GPN1: variants seen among roughly 807,000 people sequenced by gnomAD.
The protein encoded by GPN1 is GPN-loop GTPase 1, also known as ATP(GTP)-binding protein.
Under a neutral mutation model 55.9 loss-of-function variants are expected in GPN1, and 44 were observed. The observed-to-expected ratio is 0.79, with a 90% CI of 0.62 to 1.01. GPN1 has a LOEUF of 1.01. GPN1 is among the 50% of genes least tolerant of loss of function. The pLI is 0.00. For synonymous variants in GPN1, 179 were observed against 162.5 expected (o/e 1.10, Z -0.77); for missense variants, 466 against 462.8 (o/e 1.01, Z -0.06).
At chr2:27,638,126 T>C in intron 7 of GPN1, 84 bp from the exon 8 acceptor site, 1 of 764,940 alleles carries the variant, frequency 1.3e-6, no homozygotes, top group Admixed American at 1.9e-5. Context: ...ATTTCTGTTC[T>C]CTTACTTAGT....
At chr2:27,631,721 A>G (rs1446436016) in intron 3 of GPN1, 113 bp from the exon 4 acceptor site, 3 of 746,910 alleles carry the variant, frequency 4.0e-6, no homozygotes, top group African/African-American at 1.7e-5. Context: ...TTAGGTTGCC[A>G]GTATCCATTA....
chr2:27,630,419 G>A (rs1029063516), intron 2 of GPN1, among the ~76,000 whole-genome samples: 2 of 118,680 alleles, frequency 1.7e-5, no homozygotes, highest in Admixed American at 1.1e-4. Flanking sequence ...TTTAGACAGA[G>A]TCTCTGTCAC....
At chr2:27,644,010 C>T (rs947693365) in intron 12 of GPN1, among the ~76,000 whole-genome samples, 1 of 152,158 alleles carries the variant, frequency 6.6e-6, no homozygotes, top group Non-Finnish European at 1.5e-5. Context: ...GAAACCCCAT[C>T]TCTCCTAAAA....
In GPN1 at chr2:27,643,870, G is replaced by C. The variant is rs1199079629; in HGVS notation, c.931+1351G>C. Among the ~76,000 whole-genome samples, 1 of 152,072 alleles carries C rather than the reference G, an allele frequency of 6.6e-6. No individual in the cohort carries two copies. Among genetic ancestry groups the C allele is most frequent in the Non-Finnish European group, 1.5e-5 (1 of 68,006 alleles). On this transcript the variant is annotated intron_variant, in intron 12 of 13. Coordinates refer to ENST00000610189, the MANE Select transcript of GPN1 (RefSeq NM_007266.4). The surrounding 1 kb of genome is among the most constrained non-coding windows in gnomAD (Gnocchi z 4.0). ...ATTTTTATAAAGTGGTGTATGCTAC[G>C]TTTTTCATAAAGAATTACTATTTTT...
At position 27,639,037 on chromosome 2, in the gene GPN1, T is replaced by A. The variant is rs1345217308; in HGVS notation, c.717+6T>A. On this transcript the variant is annotated splice_donor_region_variant and intron_variant, in intron 9 of 13. Coordinates refer to ENST00000610189, the MANE Select transcript of GPN1 (RefSeq NM_007266.4). ...AGTTTTACAGCTCACTCAGGGTAAATTTTCTCTCCTGCTCACACTGACAGC... is the reference window on the plus strand; with the variant it reads ...AGTTTTACAGCTCACTCAGGGTAAAATTTCTCTCCTGCTCACACTGACAGC... 6.2e-7 allele frequency: 1 copy of A among 1,602,008 alleles called. No homozygotes were observed. Among genetic ancestry groups the A allele is most frequent in the African/African-American group, 1.3e-5 (1 of 74,630 alleles).
Position 27,638,270 on chromosome 2 carries a change from C to T in GPN1, c.570+15C>T. 1 of 1,460,342 alleles carries T rather than the reference C, an allele frequency of 6.8e-7. No individual in the cohort carries two copies. The highest frequency in any genetic ancestry group is 9.6e-7 in the Non-Finnish European group (1 of 1,040,580). 90.5% of individuals were successfully genotyped at this position (1,460,342 alleles called of 1,614,324 possible). A position where few individuals can be genotyped will look rare whatever the true frequency, so the allele number is the denominator to read the frequency against. ...TCATGAATAAAGTAAGTGTATTCTT[C>T]CTGTTGTGATTCACCATTTTTCATC... On this transcript the variant is annotated intron_variant, in intron 8 of 13. Coordinates refer to ENST00000610189, the MANE Select transcript of GPN1 (RefSeq NM_007266.4).
chr2:27,648,138 C>T (rs75670338), intron 13 of GPN1, among the ~76,000 whole-genome samples, 195 bp downstream of exon 13: 8,717 of 152,260 alleles, frequency 0.057, 692 homozygotes, highest in African/African-American at 0.18. Flanking sequence ...ACAGGCCTTT[C>T]GTTGGTCTTG....
chr2:27,631,202 T>C (rs759553073), intron 3 of GPN1, 136 bp downstream of exon 3: 6 of 643,970 alleles, frequency 9.3e-6, no homozygotes, highest in South Asian at 1.8e-5. Flanking sequence ...GTGGGAGAGG[T>C]AGGTGATCAG....
chr2:27,641,111 A>T, intron 10 of GPN1, 129 bp from the exon 11 acceptor site: 1 of 660,586 alleles, frequency 1.5e-6, no homozygotes, highest in Non-Finnish European at 2.6e-6. Context: ...AAGATTTGTT[A>T]CATCTGATGT....
At chr2:27,644,663 G>A (rs1674130536) in intron 12 of GPN1, among the ~76,000 whole-genome samples, 1 of 134,652 alleles carries the variant, frequency 7.4e-6, no homozygotes, top group African/African-American at 2.8e-5. Context: ...ATAAATAGTT[G>A]TATCTGTATG....
chr2:27,650,689 A>T lies in GPN1; in HGVS notation c.*489A>T, dbSNP rs1365322559. The stretch of plus-strand genomic sequence containing the variant: ...ATGAGCTTATCCAGAACGGTGGCAG[A>T]GTCTCCTTGGCAATCAACCAACGTT... On this transcript the variant is annotated 3_prime_UTR_variant, in exon 14 of 14. Coordinates refer to ENST00000610189, the MANE Select transcript of GPN1 (RefSeq NM_007266.4). 2 of 153,498 alleles carry T rather than the reference A, an allele frequency of 1.3e-5. No homozygotes were observed. Among genetic ancestry groups the T allele is most frequent in the African/African-American group, 4.8e-5 (2 of 41,458 alleles). 9.5% of individuals were successfully genotyped at this position (153,498 alleles called of 1,614,324 possible). A position where few individuals can be genotyped will look rare whatever the true frequency, so the allele number is the denominator to read the frequency against.
chr2:27,644,024 C>CA (rs1281389848), intron 12 of GPN1, among the ~76,000 whole-genome samples: 3 of 152,060 alleles, frequency 2.0e-5, no homozygotes, highest in Non-Finnish European at 4.4e-5. Context: ...CCTAAAAATA[C>CA]AAAAAATTAG....
intron 9 of GPN1, among the ~76,000 whole-genome samples, 176 bp downstream of exon 9, chr2:27,639,207 T>C (rs1572957573): frequency 6.6e-6 from 1 of 152,208 alleles, no homozygotes; most frequent in South Asian, 2.1e-4. Context: ...GGACCCCAGC[T>C]TCAGAGTTTA....
rs779278596 is a variant in GPN1 at position 27,641,316 on chromosome 2, C to T, written c.840+37C>T. The T allele has an allele frequency of 7.5e-6, 11 of 1,476,066 alleles. No individual in the cohort carries two copies. The Admixed American group carries it at 1.5e-4, about 21-fold the overall frequency. The allele number at this position is 1,476,066 out of a possible 1,614,324, so 91.4% of individuals were successfully genotyped here. Reference sequence around the variant, plus strand: ...GGCTGTTTGTATATTTTAAAAGGGCCATTAAAAAAACCCAGCTCAATCTTG... The same window carrying T: ...GGCTGTTTGTATATTTTAAAAGGGCTATTAAAAAAACCCAGCTCAATCTTG... On this transcript the variant is annotated intron_variant, in intron 11 of 13. Coordinates refer to ENST00000610189, the MANE Select transcript of GPN1 (RefSeq NM_007266.4).
chr2:27,642,956 T>TACACACACACACAC (rs764872511), intron 12 of GPN1, among the ~76,000 whole-genome samples: 2,525 of 85,516 alleles, frequency 0.03, 44 homozygotes, highest in East Asian at 0.11. Flanking sequence ...TATATATATA[T>TACACACACACACAC]ATACACACAC....
Position 27,638,914 on chromosome 2 carries a change from G to A in GPN1, c.600G>A (p.Val200=). 1 of 1,613,960 alleles carries A rather than the reference G, an allele frequency of 6.2e-7. No individual in the cohort carries two copies. Among genetic ancestry groups the A allele is most frequent in the Non-Finnish European group, 8.5e-7 (1 of 1,179,890 alleles). ...KTDIIDHSFA[V]EWMQDFEAFQ... is the part of the protein sequence containing the mutation. ...ACATCATTGACCACAGCTTTGCAGT[G>A]GAATGGATGCAGGATTTTGAGGCTT... The change falls in exon 9 of 14, where the codon GTG becomes GTA. Residue 200 remains valine (V), a synonymous_variant. Transcript: ENST00000610189.
At chr2:27,642,969 A>ACACACACACG (rs1674030762) in intron 12 of GPN1, among the ~76,000 whole-genome samples, 1 of 150,704 alleles carries the variant, frequency 6.6e-6, no homozygotes, top group Non-Finnish European at 1.5e-5. Flanking sequence ...ACACACACAC[A>ACACACACACG]CACACACACA....
At chr2:27,645,706 A>T (rs192221168) in intron 12 of GPN1, among the ~76,000 whole-genome samples, 17 of 146,348 alleles carry the variant, frequency 1.2e-4, no homozygotes, top group African/African-American at 3.7e-4. Context: ...TTTCTTTTTA[A>T]TTTTTTTTTT....
intron 13 of GPN1, 136 bp downstream of exon 13, chr2:27,648,079 T>C: frequency 1.6e-6 from 1 of 628,132 alleles, no homozygotes; most frequent in African/African-American, 1.8e-5. Flanking sequence ...GAGTTTCCTA[T>C]ATTGAGAGTT....
Sources: gnomAD v4.1 joint callset for allele counts (sites outside exome capture counted in the v4.1 genomes callset) on GRCh38, gnomAD v4.1.1 for gene constraint, Gnocchi (gnomAD v3.1) non-coding constraint, MANE v1.5 for transcripts, NCBI Gene and HGNC (gene_info 2026-07-23, HGNC 2026-07-21) for gene names.